The following ST7 variants were observed in gnomAD, a reference collection of about 807,000 sequenced individuals.
ST7 encodes suppressor of tumorigenicity 7 protein.
A neutral mutation model predicts 78.7 loss-of-function variants in ST7; 28 were observed. That is an observed-to-expected ratio of 0.36 (90% confidence interval 0.26 to 0.49). The LOEUF (loss-of-function observed/expected upper bound fraction) is 0.49, where lower values mean the gene tolerates loss of function less well. Among genes scored for constraint, ST7 ranks in the 20% least tolerant of loss-of-function variants. The pLI is 0.99. For synonymous variants in ST7, 247 were observed against 249.6 expected (o/e 0.99, Z 0.10); for missense variants, 418 against 696.0 (o/e 0.60, Z 4.49).
intron 5 of ST7, 83 bp downstream of exon 5, chr7:117,130,689 T>G (rs1436768446): frequency 1.1e-6 from 1 of 911,292 alleles, no homozygotes; most frequent in African/African-American, 1.7e-5. Flanking sequence ...ATATCCACTC[T>G]GTAAAACTCC....
At chr7:117,229,626 A>C in intron 15 of ST7, 136 bp from the exon 16 acceptor site, 2 of 722,504 alleles carry the variant, frequency 2.8e-6, no homozygotes, top group Non-Finnish European at 4.7e-6. Context: ...TTTCCTGTAA[A>C]CATAAAGATG....
At chr7:117,056,038 G>T (rs1798045974) in intron 1 of ST7, among the ~76,000 whole-genome samples, 1 of 152,102 alleles carries the variant, frequency 6.6e-6, no homozygotes, top group Admixed American at 6.6e-5. Flanking sequence ...AGTCTTGTTT[G>T]TCTTTTCACG....
At chr7:116,958,471 A>G (rs1792644935) in intron 1 of ST7, 1 of 328,790 alleles carries the variant, frequency 3.0e-6, no homozygotes, top group Non-Finnish European at 6.3e-6. Flanking sequence ...TAAAATTTAC[A>G]TAAAATTGGA....
chr7:117,152,202 T>TATATATATATATATATATAC (rs1806336229), intron 9 of ST7, among the ~76,000 whole-genome samples: 5 of 76,194 alleles, frequency 6.6e-5, no homozygotes, highest in African/African-American at 2.6e-4. Context: ...TATATATATA[T>TATATATATATATATATATAC]ATATATATAT....
At chr7:117,010,118 T>C (rs947078925) in intron 1 of ST7, among the ~76,000 whole-genome samples, 1 of 152,260 alleles carries the variant, frequency 6.6e-6, no homozygotes, top group Admixed American at 6.5e-5. Flanking sequence ...TGACAATTTC[T>C]CAGAACCATT....
At chr7:117,141,234 A>G (rs1236833478) in intron 9 of ST7, among the ~76,000 whole-genome samples, 1 of 152,188 alleles carries the variant, frequency 6.6e-6, no homozygotes, top group African/African-American at 2.4e-5. Context: ...CCTAGAGCAG[A>G]TTTCATAGTA....
intron 1 of ST7, among the ~76,000 whole-genome samples, chr7:117,009,986 A>G (rs1355126366): frequency 6.6e-6 from 1 of 152,202 alleles, no homozygotes; most frequent in Non-Finnish European, 1.5e-5. Flanking sequence ...GTATCCAGAA[A>G]GAGCCCTTAT....
At chr7:117,157,985 A>G (rs144336775) in intron 9 of ST7, among the ~76,000 whole-genome samples, 1 of 152,238 alleles carries the variant, frequency 6.6e-6, no homozygotes, top group African/African-American at 2.4e-5. Context: ...CCAAGACAGC[A>G]TGAGACCAGC....
chr7:117,092,302 A>AG (rs1800686274), intron 1 of ST7, among the ~76,000 whole-genome samples: 1 of 148,992 alleles, frequency 6.7e-6, no homozygotes, highest in Non-Finnish European at 1.5e-5. Context: ...AAAAAAAAAA[A>AG]AAGAAGTTAT....
chr7:116,954,922 G>C (rs540296786), intron 1 of ST7: 10 of 285,344 alleles, frequency 3.5e-5, no homozygotes, highest in African/African-American at 2.2e-4. Context: ...ACTAACTTAA[G>C]TATTTTGATT....
At chr7:117,160,676 T>A (rs1425338225) in intron 9 of ST7, among the ~76,000 whole-genome samples, 1 of 151,878 alleles carries the variant, frequency 6.6e-6, no homozygotes, top group African/African-American at 2.4e-5. Context: ...TATACATATA[T>A]GTATTTATTC....
chr7:116,957,337 A>T (rs1035006118), intron 1 of ST7, among the ~76,000 whole-genome samples: 11 of 152,176 alleles, frequency 7.2e-5, no homozygotes, highest in Non-Finnish European at 1.5e-4. Flanking sequence ...TAGGAATAGT[A>T]CATAGTGGCT....
In ST7 at chr7:117,099,740, TTC is replaced by T. The variant is rs1177014983; in HGVS notation, c.152-14_152-13del. On this transcript the variant is annotated intron_variant, in intron 1 of 15. Transcript: ENST00000323984. The stretch of plus-strand genomic sequence containing the variant: ...TCATACATTCCTTGTTCTTCTCCCT[TTC>T]TCTCTCTTTTCTTTTTCAGTGAGCA... 2 of 1,592,908 alleles carry T rather than the reference TTC, an allele frequency of 1.3e-6. No homozygotes were observed. Among genetic ancestry groups the T allele is most frequent in the South Asian group, 1.1e-5 (1 of 89,234 alleles).
At chr7:117,158,230 G>T (rs746041996) in intron 9 of ST7, among the ~76,000 whole-genome samples, 1 of 152,188 alleles carries the variant, frequency 6.6e-6, no homozygotes, top group Non-Finnish European at 1.5e-5. Flanking sequence ...GACCAGATTT[G>T]CTTGTTGTTT....
chr7:117,134,999 T>C (rs1374432462), intron 7 of ST7, among the ~76,000 whole-genome samples: 3 of 152,054 alleles, frequency 2.0e-5, no homozygotes, highest in African/African-American at 7.2e-5. Context: ...GCTATTGCAG[T>C]TTGTGGACAG....
At chr7:117,081,862 A>G (rs1157497658) in intron 1 of ST7, among the ~76,000 whole-genome samples, 1 of 152,066 alleles carries the variant, frequency 6.6e-6, no homozygotes, top group Non-Finnish European at 1.5e-5. Context: ...ACACACACAT[A>G]CACTGAGACA....
At chr7:117,160,875 GATAA>G (rs1807089293) in intron 9 of ST7, among the ~76,000 whole-genome samples, 1 of 151,932 alleles carries the variant, frequency 6.6e-6, no homozygotes, top group Non-Finnish European at 1.5e-5. Context: ...CATTCTTCAG[GATAA>G]AATAGTAATT....
chr7:117,120,685 A>G (rs756734813), intron 3 of ST7, among the ~76,000 whole-genome samples: 5 of 152,180 alleles, frequency 3.3e-5, no homozygotes, highest in Admixed American at 6.5e-5. Context: ...TAGTCTGTAC[A>G]CTATCTCTCT....
At chr7:117,203,805 C>A (rs1237748671) in intron 12 of ST7, among the ~76,000 whole-genome samples, 1 of 152,146 alleles carries the variant, frequency 6.6e-6, no homozygotes, top group Non-Finnish European at 1.5e-5. Context: ...CATATCCATG[C>A]CCCTGAGGTA....
Sources: allele counts gnomAD v4.1 joint callset (sites outside exome capture counted in the v4.1 genomes callset), GRCh38; gene constraint gnomAD v4.1.1; transcripts MANE v1.5; gene names NCBI Gene and HGNC (gene_info 2026-07-23, HGNC 2026-07-21).